Variants in GBE1 observed in about 807,000 individuals in gnomAD.
GBE1 encodes 1,4-alpha-glucan-branching enzyme.
A neutral mutation model predicts 88.8 loss-of-function variants in GBE1; 70 were observed. The ratio of observed to expected loss-of-function variants is 0.79; its 90% confidence interval spans 0.65 to 0.96. The LOEUF is 0.96. Ranked by LOEUF, GBE1 falls within the 40% of genes least tolerant of loss-of-function variation. The pLI, the probability that GBE1 is intolerant of heterozygous loss-of-function variation, is 0.00. For missense variants in GBE1, 872 were observed against 871.0 expected, an observed-to-expected ratio of 1.00 and a Z score of -0.01; for synonymous variants, 284 against 300.1, an observed-to-expected ratio of 0.95 and a Z score of 0.56.
At chr3:81,583,024 C>T (rs1462181946) in intron 10 of GBE1, among the ~76,000 whole-genome samples, 2 of 152,066 alleles carry the variant, frequency 1.3e-5, no homozygotes, top group East Asian at 3.9e-4. Flanking sequence ...ACCCTCAAAA[C>T]TCCACAGTAA....
intron 14 of GBE1, among the ~76,000 whole-genome samples, chr3:81,524,965 G>A (rs1053694605): frequency 7.9e-5 from 12 of 151,822 alleles, no homozygotes; most frequent in Non-Finnish European, 1.5e-4. Flanking sequence ...TATTTTGATA[G>A]GGATTCTTAA....
intron 14 of GBE1, among the ~76,000 whole-genome samples, chr3:81,523,157 CTATA>C (rs1702896314): frequency 6.7e-6 from 1 of 150,172 alleles, no homozygotes; most frequent in African/African-American, 2.4e-5. Context: ...ATACACTATG[CTATA>C]TAATATATAT....
intron 14 of GBE1, among the ~76,000 whole-genome samples, chr3:81,504,563 ATAT>A (rs1702630136): frequency 6.6e-6 from 1 of 152,140 alleles, no homozygotes; most frequent in Non-Finnish European, 1.5e-5. Flanking sequence ...GCATTTTAAA[ATAT>A]TATGATTTCT....
chr3:81,760,897 G>A (rs987107011), intron 1 of GBE1, among the ~76,000 whole-genome samples: 1 of 152,240 alleles, frequency 6.6e-6, no homozygotes, highest in Non-Finnish European at 1.5e-5. Flanking sequence ...TCTGCCTGAA[G>A]GAATCCTCTT....
chr3:81,573,809 T>G (rs1205928754), intron 12 of GBE1, among the ~76,000 whole-genome samples: 1 of 149,214 alleles, frequency 6.7e-6, no homozygotes, highest in African/African-American at 2.5e-5. Flanking sequence ...AGAAATTCTG[T>G]GCACAGGTAC....
chr3:81,568,320 G>A (rs1247663352), intron 12 of GBE1, among the ~76,000 whole-genome samples: 1 of 152,054 alleles, frequency 6.6e-6, no homozygotes, highest in Non-Finnish European at 1.5e-5. Flanking sequence ...GCTAATTTTT[G>A]TATTTTTAGT....
chr3:81,569,293 T>C (rs911474036), intron 12 of GBE1, among the ~76,000 whole-genome samples: 5 of 152,208 alleles, frequency 3.3e-5, no homozygotes, highest in African/African-American at 1.2e-4. Context: ...TTGGTTTCAA[T>C]GCTAAGATAA....
At chr3:81,534,334 G>T (rs947120967) in intron 14 of GBE1, among the ~76,000 whole-genome samples, 1 of 152,006 alleles carries the variant, frequency 6.6e-6, no homozygotes, top group Admixed American at 6.6e-5. Flanking sequence ...TATGACGGCA[G>T]TGACTGTATC....
At chr3:81,556,086 T>C (rs1703344424) in intron 12 of GBE1, among the ~76,000 whole-genome samples, 1 of 152,128 alleles carries the variant, frequency 6.6e-6, no homozygotes, top group African/African-American at 2.4e-5. Context: ...AGATATACAG[T>C]AAAGTCTATT....
At chr3:81,743,172 A>G (rs893024079) in intron 1 of GBE1, among the ~76,000 whole-genome samples, 1 of 152,172 alleles carries the variant, frequency 6.6e-6, no homozygotes, top group African/African-American at 2.4e-5. Flanking sequence ...ACTAAACAGC[A>G]TAGTGTGGAA....
At chr3:81,602,986 CT>C (rs1704053981) in intron 7 of GBE1, among the ~76,000 whole-genome samples, 2 of 152,132 alleles carry the variant, frequency 1.3e-5, no homozygotes, top group African/African-American at 4.8e-5. Flanking sequence ...CCAGACTCTG[CT>C]TACTCTCTGC....
chr3:81,592,156 T>C (rs1300964396), intron 8 of GBE1, among the ~76,000 whole-genome samples: 5 of 151,970 alleles, frequency 3.3e-5, no homozygotes, highest in African/African-American at 4.8e-5. Flanking sequence ...TGTGCGCGCG[T>C]GTGTGTGTGT....
intron 2 of GBE1, among the ~76,000 whole-genome samples, chr3:81,700,415 A>G (rs937974033): frequency 6.6e-6 from 1 of 152,194 alleles, no homozygotes; most frequent in African/African-American, 2.4e-5. Flanking sequence ...TTATGTAAAT[A>G]AAATTAATTA....
chr3:81,588,239 T>A (rs1703825852), intron 9 of GBE1, among the ~76,000 whole-genome samples: 1 of 152,136 alleles, frequency 6.6e-6, no homozygotes, highest in Middle Eastern at 3.4e-3. Context: ...AGAAAAAAGA[T>A]CAGTAGAAAA....
rs377566310 is a variant in GBE1, at chr3:81,591,171, A to G, written c.1109-7T>C. On this transcript the variant is annotated splice_polypyrimidine_tract_variant and splice_region_variant and intron_variant, in intron 8 of 15. Transcript: ENST00000429644. Reference sequence around the variant, plus strand: ...TCACCTGAGAAACCTTGACCTTAGAAAAAGAAAATCAATACGGATATATTA... The same window carrying G: ...TCACCTGAGAAACCTTGACCTTAGAGAAAGAAAATCAATACGGATATATTA... The G allele has an allele frequency of 6.3e-7, 1 of 1,590,174 alleles. No individual in the cohort carries two copies. The highest frequency in any genetic ancestry group is 8.6e-7 in the Non-Finnish European group (1 of 1,166,026).
At chr3:81,651,761 T>C (rs371067344) in intron 3 of GBE1, among the ~76,000 whole-genome samples, 1 of 152,174 alleles carries the variant, frequency 6.6e-6, no homozygotes, top group Non-Finnish European at 1.5e-5. Flanking sequence ...AACGGCTCTA[T>C]AATACCTCCA....
At chr3:81,655,111 T>C (rs975213117) in intron 3 of GBE1, 8 of 152,196 alleles carry the variant, frequency 5.3e-5, no homozygotes, top group South Asian at 4.1e-4. Context: ...GCCATACCAG[T>C]GTACAATGCT....
intron 7 of GBE1, among the ~76,000 whole-genome samples, chr3:81,599,963 G>A (rs957440950): frequency 1.3e-5 from 2 of 152,072 alleles, no homozygotes; most frequent in African/African-American, 2.4e-5. Context: ...ATTTCTAATA[G>A]ATTAACTATC....
In GBE1 at chr3:81,514,575, A is replaced by AGTGGATTTGGCTCTAATATT. The variant is rs1214518146; in HGVS notation, c.1935-15349_1935-15348insAATATTAGAGCCAAATCCAC. On this transcript the variant is annotated intron_variant, in intron 14 of 15. Coordinates refer to ENST00000429644, the MANE Select transcript of GBE1 (RefSeq NM_000158.4). ...GATTACAACTGAATCCACTGCTTCCAAGAACACACTGTTTTTGGCTCTAAT... is the reference window on the plus strand; with the variant it reads ...GATTACAACTGAATCCACTGCTTCCAGTGGATTTGGCTCTAATATTAGAACACACTGTTTTTGGCTCTAAT... Among the ~76,000 whole-genome samples the AGTGGATTTGGCTCTAATATT allele has an allele frequency of 2.0e-5, 3 of 151,756 alleles. No individual in the cohort carries two copies. In the East Asian group the frequency reaches 5.8e-4, roughly 29 times the overall value.
Sources: allele counts gnomAD v4.1 joint callset (sites outside exome capture counted in the v4.1 genomes callset), GRCh38; gene constraint gnomAD v4.1.1; transcripts MANE v1.5; gene names NCBI Gene and HGNC (gene_info 2026-07-23, HGNC 2026-07-21).